Variants in SEC62 observed in about 807,000 individuals in gnomAD.
SEC62 encodes SEC62 preprotein translocation factor.
SEC62 carries 10 observed loss-of-function variants against 47.5 expected under a neutral mutation model. The observed-to-expected ratio is 0.21, with a 90% CI of 0.13 to 0.36. The LOEUF is 0.36. Among genes scored for constraint, SEC62 ranks in the 10% least tolerant of loss-of-function variants. The probability of loss-of-function intolerance (pLI) is 1.00; values close to 1 mark genes in which losing one functional copy is unlikely to be tolerated. For synonymous variants in SEC62, 136 were observed against 150.5 expected, an observed-to-expected ratio of 0.90 and a Z score of 0.71; for missense variants, 327 against 464.1, an observed-to-expected ratio of 0.70 and a Z score of 2.71.
At position 169,993,703 on chromosome 3, in the gene SEC62, C is replaced by G. The variant is rs1355834814; in HGVS notation, c.*640C>G. 1 of 152,650 alleles carries G rather than the reference C, an allele frequency of 6.6e-6. No individual in the cohort carries two copies. The highest frequency in any genetic ancestry group is 1.5e-5 in the Non-Finnish European group (1 of 68,066). The allele number at this position is 152,650 out of a possible 1,614,324, so 9.5% of individuals were successfully genotyped here. On this transcript the variant is annotated 3_prime_UTR_variant, in exon 8 of 8. Coordinates refer to ENST00000337002, the MANE Select transcript of SEC62 (RefSeq NM_003262.4). ...CTGACTGAGAGAAAGATGGTCGTCT[C>G]CAGCAGAGAAAGTGAACAGCATTTG...
At chr3:169,975,526 TA>T in intron 1 of SEC62, 81 bp from the exon 2 acceptor site, 1 of 931,676 alleles carries the variant, frequency 1.1e-6, no homozygotes, top group Non-Finnish European at 1.7e-6. Flanking sequence ...AAAAGATTCA[TA>T]AAATAGATTT....
In SEC62 at chr3:169,975,681, C is replaced by T. The variant is rs765071900; in HGVS notation, c.110C>T (p.Thr37Ile). Residue 37 changes from threonine (T) to isoleucine (I), a missense_variant, in exon 2 of 8, where the codon ACC becomes ATC. Physicochemically the swap from Thr to Ile is moderately conservative, Grantham distance 89. This residue lies in a region of SEC62 where 126 missense variants were observed against 161.2 expected (regional missense o/e 0.78). Coordinates refer to ENST00000337002, the MANE Select transcript of SEC62 (RefSeq NM_003262.4). The stretch of plus-strand genomic sequence containing the variant: ...CGATTCAACTGTCCAACAAAGTCCA[C>T]CAATATGATGGGTCACCGGGTTGAT... ...YLRFNCPTKSTNMMGHRVDYF... is the reference protein window; with the variant it reads ...YLRFNCPTKSINMMGHRVDYF... 8.8e-5 allele frequency: 142 copies of T among 1,612,974 alleles called. No individual in the cohort carries two copies. The highest frequency in any genetic ancestry group is 1.1e-4 in the Non-Finnish European group (135 of 1,179,152).
At chr3:169,987,848 T>G (rs181700722) in intron 6 of SEC62, among the ~76,000 whole-genome samples, 2 of 152,324 alleles carry the variant, frequency 1.3e-5, no homozygotes, top group Admixed American at 1.3e-4. Flanking sequence ...TTGGAAATCA[T>G]TTTTTGTTGG....
intron 1 of SEC62, 199 bp from the exon 2 acceptor site, chr3:169,975,409 A>C: frequency 2.3e-6 from 1 of 430,052 alleles, no homozygotes. Context: ...GCCTCTATCA[A>C]CTTATATTTG....
intron 1 of SEC62, among the ~76,000 whole-genome samples, chr3:169,970,201 A>T (rs1714663768): frequency 1.3e-5 from 2 of 152,190 alleles, no homozygotes; most frequent in South Asian, 4.1e-4. Context: ...ACAGAAGGGC[A>T]CTGCTGTTGT....
rs181272982 is a variant in SEC62, at chr3:169,992,137, A to G, written c.731-457A>G. Among the ~76,000 whole-genome samples, 29 of 152,314 alleles carry G rather than the reference A, an allele frequency of 1.9e-4. 1 individual carries two copies. The East Asian group carries it at 5.4e-3, about 28-fold the overall frequency. On this transcript the variant is annotated intron_variant, in intron 7 of 7. Transcript: ENST00000337002. This position sits in a 1 kb window ranked among gnomAD's most constrained non-coding sequence, Gnocchi z 4.0. ...CTACACCATGATCTTATGAATACTT[A>G]AATTCCCAACTGATTGCTATGTGTA...
chr3:169,983,013 G>A (rs917541160), intron 4 of SEC62, 102 bp downstream of exon 4: 3 of 1,488,592 alleles, frequency 2.0e-6, no homozygotes, highest in Non-Finnish European at 1.8e-6. Context: ...ACCTACCTGA[G>A]ATAACTATAT....
In SEC62 at chr3:169,997,642, T is replaced by C. The variant is rs1715413852; in HGVS notation, c.*4579T>C. 1 of 152,208 alleles carries C rather than the reference T, an allele frequency of 6.6e-6. No individual in the cohort carries two copies. 9.4% of individuals were successfully genotyped at this position (152,208 alleles called of 1,614,324 possible). A position where few individuals can be genotyped will look rare whatever the true frequency, so the allele number is the denominator to read the frequency against. On this transcript the variant is annotated 3_prime_UTR_variant, in exon 8 of 8. Coordinates refer to ENST00000337002, the MANE Select transcript of SEC62 (RefSeq NM_003262.4). Reference sequence around the variant, plus strand: ...CCACCACACCCAGCTAATTTTTGTATTTTTTAGTAGAGACAGGGTTTCACC... The same window carrying C: ...CCACCACACCCAGCTAATTTTTGTACTTTTTAGTAGAGACAGGGTTTCACC...
At chr3:169,979,411 T>C (rs1055356513) in intron 3 of SEC62, among the ~76,000 whole-genome samples, 3 of 152,232 alleles carry the variant, frequency 2.0e-5, no homozygotes, top group Admixed American at 1.3e-4. Flanking sequence ...AAATGTAGGA[T>C]GATAAAACAA....
At chr3:169,974,609 T>C (rs1281187642) in intron 1 of SEC62, among the ~76,000 whole-genome samples, 1 of 152,226 alleles carries the variant, frequency 6.6e-6, no homozygotes. Context: ...TCTTTGTCAG[T>C]GCACTTCCAT....
chr3:169,969,174 G>A (rs961464130), intron 1 of SEC62: 2 of 357,062 alleles, frequency 5.6e-6, no homozygotes, highest in East Asian at 1.5e-4. Context: ...ATGGTTAATA[G>A]ATTCAGTGAT....
chr3:169,996,841 T>A lies in SEC62; in HGVS notation c.*3778T>A, dbSNP rs1042517610. ...GAAGCTACTGTGCTTCCTCTTTGGG[T>A]AGCCTATACCTATACTTATCTCCTC... On this transcript the variant is annotated 3_prime_UTR_variant, in exon 8 of 8. Transcript: ENST00000337002. 1 of 152,262 alleles carries A rather than the reference T, an allele frequency of 6.6e-6. No homozygotes were observed. The highest frequency in any genetic ancestry group is 2.4e-5 in the African/African-American group (1 of 41,464). The allele number at this position is 152,262 out of a possible 1,614,324, so 9.4% of individuals were successfully genotyped here. A position where few individuals can be genotyped will look rare whatever the true frequency, so the allele number is the denominator to read the frequency against.
chr3:169,969,466 T>C, intron 1 of SEC62: 1 of 407,914 alleles, frequency 2.5e-6, no homozygotes, highest in South Asian at 1.7e-5. Flanking sequence ...ACAATCCTGG[T>C]ATCAAGAAAT....
chr3:169,995,161 A>G lies in SEC62; in HGVS notation c.*2098A>G, dbSNP rs888285685. 6.6e-6 allele frequency: 1 copy of G among 152,182 alleles called. No individual in the cohort carries two copies. Among genetic ancestry groups the G allele is most frequent in the Non-Finnish European group, 1.5e-5 (1 of 68,020 alleles). The allele number at this position is 152,182 out of a possible 1,614,324, so 9.4% of individuals were successfully genotyped here. The stretch of plus-strand genomic sequence containing the variant: ...AAATATTCTTGTACCAGAGCATGGA[A>G]AATCGTTTATAATTGTTAATAGAAT... On this transcript the variant is annotated 3_prime_UTR_variant, in exon 8 of 8. Coordinates refer to ENST00000337002, the MANE Select transcript of SEC62 (RefSeq NM_003262.4).
chr3:169,985,190 G>C (rs1715072587), intron 5 of SEC62: 1 of 152,000 alleles, frequency 6.6e-6, no homozygotes, highest in South Asian at 2.1e-4. Flanking sequence ...GGACAAAAAG[G>C]TTGGCAGTTG....
At chr3:169,968,460 A>G (rs1714611329) in intron 1 of SEC62, 2 of 152,084 alleles carry the variant, frequency 1.3e-5, no homozygotes, top group South Asian at 4.1e-4. Flanking sequence ...CACCTCCACC[A>G]ATTATTGGCT....
At chr3:169,975,100 G>C (rs1052652096) in intron 1 of SEC62, among the ~76,000 whole-genome samples, 22 of 152,188 alleles carry the variant, frequency 1.4e-4, no homozygotes, top group African/African-American at 5.3e-4. Context: ...AGCCAACGTG[G>C]CGAAACCCTG....
chr3:169,977,092 A>C (rs772193535), intron 3 of SEC62, 41 bp downstream of exon 3: 2 of 1,431,216 alleles, frequency 1.4e-6, no homozygotes, highest in East Asian at 2.3e-5. Context: ...TAATAATTTT[A>C]AATTTTCTTC....
intron 1 of SEC62, among the ~76,000 whole-genome samples, chr3:169,973,689 G>A (rs1252306764): frequency 1.3e-5 from 2 of 151,310 alleles, no homozygotes; most frequent in East Asian, 3.9e-4. Context: ...TCTACTTTTT[G>A]TGATACGTAT....
Sources: gnomAD v4.1 joint callset for allele counts (sites outside exome capture counted in the v4.1 genomes callset) on GRCh38, gnomAD v4.1.1 for gene constraint, gnomAD v4.1.1 regional missense constraint, Gnocchi (gnomAD v3.1) non-coding constraint, MANE v1.5 for transcripts, NCBI Gene and HGNC (gene_info 2026-07-23, HGNC 2026-07-21) for gene names.